POF1B: variants seen among roughly 807,000 people sequenced by gnomAD.
POF1B encodes protein POF1B.
A neutral mutation model predicts 55.3 loss-of-function variants in POF1B; 53 were observed. The observed-to-expected ratio is 0.96, with a 90% CI of 0.77 to 1.20. The LOEUF is 1.20. Ranked by LOEUF, POF1B falls within the 50% of genes most tolerant of loss-of-function variation. POF1B has a pLI of 0.00. For synonymous variants in POF1B, 188 were observed against 148.3 expected (o/e 1.27, Z -1.95); for missense variants, 478 against 420.5 (o/e 1.14, Z -1.20).
intron 6 of POF1B, among the ~76,000 whole-genome samples, chrX:85,337,110 A>G (rs1293051660): frequency 8.9e-6 from 1 of 111,942 alleles, no homozygotes; most frequent in Non-Finnish European, 1.9e-5. Context: ...CACTATAGAT[A>G]CATGAATTTG....
intron 15 of POF1B, among the ~76,000 whole-genome samples, chrX:85,292,495 G>C (rs752612845): frequency 1.8e-5 from 2 of 112,044 alleles, no homozygotes; most frequent in South Asian, 3.7e-4. Flanking sequence ...TTGTGGAATA[G>C]TTTCAGCAGG....
chrX:85,371,648 T>C (rs901123774), intron 2 of POF1B, among the ~76,000 whole-genome samples: 1 of 111,497 alleles, frequency 9.0e-6, no homozygotes, highest in Non-Finnish European at 1.9e-5. Flanking sequence ...CCTAATTATA[T>C]GGTTAAGTTT....
At chrX:85,281,179 C>CTT (rs58815023) in intron 16 of POF1B, among the ~76,000 whole-genome samples, 4 of 99,921 alleles carry the variant, frequency 4.0e-5, no homozygotes, top group African/African-American at 7.2e-5. Flanking sequence ...CATGTACAGA[C>CTT]TTTTTTTTTT....
intron 4 of POF1B, among the ~76,000 whole-genome samples, chrX:85,358,809 G>C (rs969192025): frequency 1.1e-4 from 12 of 110,602 alleles, no homozygotes; most frequent in Non-Finnish European, 3.8e-5. Flanking sequence ...TTCTCCTGAG[G>C]GGATTTAAAA....
Position 85,314,417 on chromosome X carries a change from T to C in POF1B, c.957+15A>G, listed in dbSNP as rs374849374. 24 of 1,180,093 alleles carry C rather than the reference T, an allele frequency of 2.0e-5. No homozygotes were observed. In the African/African-American group the frequency reaches 4.0e-4, roughly 19 times the overall value. ...TAGTGTTGATTTCACACATCCACTC[T>C]TGACCCCAACTCACCTGCAGAATGT... On this transcript the variant is annotated intron_variant, in intron 9 of 16. Coordinates refer to ENST00000262753, the MANE Select transcript of POF1B (RefSeq NM_024921.4).
chrX:85,347,764 T>A (rs1933299831), intron 5 of POF1B, among the ~76,000 whole-genome samples: 1 of 111,595 alleles, frequency 9.0e-6, no homozygotes. Flanking sequence ...TATCATTTTC[T>A]CTAGACTCTT....
intron 2 of POF1B, among the ~76,000 whole-genome samples, chrX:85,368,185 T>C (rs942266600): frequency 2.7e-5 from 3 of 112,011 alleles, no homozygotes; most frequent in Non-Finnish European, 5.7e-5. Context: ...TTTTGTTACA[T>C]GGATATTTTG....
chrX:85,329,168 G>A (rs1932937223), intron 7 of POF1B, among the ~76,000 whole-genome samples: 1 of 111,879 alleles, frequency 8.9e-6, no homozygotes, highest in Non-Finnish European at 1.9e-5. Flanking sequence ...AGTTTGTAAG[G>A]TTATCATGCA....
intron 6 of POF1B, among the ~76,000 whole-genome samples, chrX:85,343,599 TA>T (rs1188161110): frequency 9.9e-5 from 11 of 111,525 alleles, no homozygotes; most frequent in Admixed American, 2.9e-4. Context: ...GTAGACTTTG[TA>T]GTTTATAAAA....
chrX:85,355,295 AC>A (rs1398610951), intron 4 of POF1B, among the ~76,000 whole-genome samples: 4 of 111,990 alleles, frequency 3.6e-5, no homozygotes, highest in African/African-American at 1.3e-4. Flanking sequence ...TACACCTTAT[AC>A]AAAAATTAAT....
chrX:85,366,353 A>G (rs1166377818), intron 3 of POF1B, among the ~76,000 whole-genome samples: 1 of 111,449 alleles, frequency 9.0e-6, no homozygotes, highest in Non-Finnish European at 1.9e-5. Context: ...TATATGGTAT[A>G]AACTCAATTT....
chrX:85,372,717 GTA>G (rs748840909), intron 2 of POF1B, among the ~76,000 whole-genome samples: 2 of 98,688 alleles, frequency 2.0e-5, no homozygotes, highest in African/African-American at 3.7e-5. Context: ...AGAACTTAAA[GTA>G]TATATATATA....
chrX:85,314,366 G>A, intron 9 of POF1B, 66 bp downstream of exon 9: 1 of 863,274 alleles, frequency 1.2e-6, no homozygotes, highest in Admixed American at 3.4e-5. Context: ...TCTTAATTAA[G>A]GGAAGCAACC....
chrX:85,306,468 T>C, intron 11 of POF1B, 135 bp from the exon 12 acceptor site: 1 of 568,224 alleles, frequency 1.8e-6, no homozygotes, highest in South Asian at 3.2e-5. Context: ...GGGTCTTAGA[T>C]GGTACATTAA....
chrX:85,340,533 G>A (rs1933152138), intron 6 of POF1B, among the ~76,000 whole-genome samples: 1 of 111,429 alleles, frequency 9.0e-6, no homozygotes, highest in Non-Finnish European at 1.9e-5. Flanking sequence ...ATAAATTCAA[G>A]GACTGGCTGA....
chrX:85,308,282 GT>G lies in POF1B; in HGVS notation c.958-67del, dbSNP rs1321652145. On this transcript the variant is annotated intron_variant, in intron 9 of 16. Transcript: ENST00000262753. ...TTGAAAATAGGCAATATAAGTGAAA[GT>G]TTTTTTTTTCCTACTAGCAAACTTA... The G allele has an allele frequency of 5.6e-3, 3,915 of 698,214 alleles. 78 individuals carry two copies. In the African/African-American group the frequency reaches 0.066, roughly 12 times the overall value. The allele number at this position is 698,214 out of a possible 1,213,427, so 57.5% of individuals were successfully genotyped here.
At chrX:85,357,509 C>T (rs1206730489) in intron 4 of POF1B, among the ~76,000 whole-genome samples, 3 of 110,929 alleles carry the variant, frequency 2.7e-5, no homozygotes, top group African/African-American at 9.8e-5. Flanking sequence ...GATTTTGCCT[C>T]CATAAGTATA....
chrX:85,346,885 T>C (rs1213187036), intron 5 of POF1B, among the ~76,000 whole-genome samples: 2 of 111,165 alleles, frequency 1.8e-5, no homozygotes, highest in Non-Finnish European at 3.8e-5. Context: ...AAAAGTAAGA[T>C]AATTTGCTCA....
At chrX:85,362,353 C>T (rs994619505) in intron 3 of POF1B, among the ~76,000 whole-genome samples, 4 of 111,335 alleles carry the variant, frequency 3.6e-5, no homozygotes, top group African/African-American at 1.3e-4. Context: ...CAGCTTTTTC[C>T]CTTTCACTAT....
Sources: gnomAD v4.1 joint callset for allele counts (sites outside exome capture counted in the v4.1 genomes callset) on GRCh38, gnomAD v4.1.1 for gene constraint, MANE v1.5 for transcripts, NCBI Gene and HGNC (gene_info 2026-07-23, HGNC 2026-07-21) for gene names.